EIF5B: variants seen among roughly 807,000 people sequenced by gnomAD.
EIF5B encodes eukaryotic translation initiation factor 5B, also known as eIF-5B.
Under a neutral mutation model 147.5 loss-of-function variants are expected in EIF5B, and 47 were observed. That is an observed-to-expected ratio of 0.32 (90% CI 0.25 to 0.41). The LOEUF (loss-of-function observed/expected upper bound fraction) is 0.41. Ranked by LOEUF, EIF5B falls within the 10% of genes least tolerant of loss-of-function variation. The pLI is 1.00. For synonymous variants in EIF5B, 455 were observed against 456.2 expected, an observed-to-expected ratio of 1.00 and a Z score of 0.03; for missense variants, 1,064 against 1,413.2, an observed-to-expected ratio of 0.75 and a Z score of 3.96.
At chr2:99,379,643 C>T (rs1674648868) in intron 12 of EIF5B, among the ~76,000 whole-genome samples, 1 of 152,108 alleles carries the variant, frequency 6.6e-6, no homozygotes, top group African/African-American at 2.4e-5. Context: ...ATTTCCTTCC[C>T]TCCCTCTCCC....
chr2:99,362,305 T>A (rs964206368), intron 4 of EIF5B, among the ~76,000 whole-genome samples: 1 of 152,238 alleles, frequency 6.6e-6, no homozygotes, highest in African/African-American at 2.4e-5. Flanking sequence ...GCCATTTTTT[T>A]AACAACCAAT....
intron 10 of EIF5B, 54 bp downstream of exon 10, chr2:99,376,690 A>G (rs1674572161): frequency 2.0e-6 from 3 of 1,527,688 alleles, no homozygotes; most frequent in South Asian, 1.4e-5. Context: ...TGTGATGATT[A>G]AAACAGTACT....
At chr2:99,348,394 G>A (rs1559243947) in intron 1 of EIF5B, among the ~76,000 whole-genome samples, 1 of 152,290 alleles carries the variant, frequency 6.6e-6, no homozygotes, top group Middle Eastern at 3.4e-3. Context: ...GGTTATAAGT[G>A]GTGGGGGCCA....
intron 1 of EIF5B, among the ~76,000 whole-genome samples, chr2:99,350,023 A>G (rs1673894189): frequency 6.6e-6 from 1 of 152,232 alleles, no homozygotes; most frequent in South Asian, 2.1e-4. Flanking sequence ...GATTCCACAT[A>G]TGAATGAGAT....
rs1675154372 is a variant in EIF5B, at chr2:99,399,530, A to G, written c.*116A>G. 3 of 891,544 alleles carry G rather than the reference A, an allele frequency of 3.4e-6. No individual in the cohort carries two copies. In the East Asian group the frequency reaches 8.0e-5, roughly 24 times the overall value. The allele number at this position is 891,544 out of a possible 1,614,324, so 55.2% of individuals were successfully genotyped here. A position where few individuals can be genotyped will look rare whatever the true frequency, so the allele number is the denominator to read the frequency against. ...TGGACACTGATGGACTTAAGTATGGAAGGAAGAAAAATAGGTGTATAAAAT... is the reference window on the plus strand; with the variant it reads ...TGGACACTGATGGACTTAAGTATGGGAGGAAGAAAAATAGGTGTATAAAAT... On this transcript the variant is annotated 3_prime_UTR_variant, in exon 24 of 24. Transcript: ENST00000289371.
intron 8 of EIF5B, 138 bp from the exon 9 acceptor site, chr2:99,371,518 G>A: frequency 1.8e-6 from 1 of 548,770 alleles, no homozygotes. Context: ...TAGTTCTAAA[G>A]ATAATAGCTG....
At chr2:99,388,510 TTTTA>T (rs1300533303) in intron 14 of EIF5B, among the ~76,000 whole-genome samples, 5 of 152,178 alleles carry the variant, frequency 3.3e-5, no homozygotes, top group Non-Finnish European at 7.4e-5. Flanking sequence ...TGCTTTATGT[TTTTA>T]TTTCTTTAAT....
At position 99,394,534 on chromosome 2, in the gene EIF5B, T is replaced by C. The variant is rs756829052; in HGVS notation, c.3038T>C (p.Val1013Ala). ...VPYAGINIGPVHKKDVMKASV... is the reference protein window; with the variant it reads ...VPYAGINIGPAHKKDVMKASV... ...TATGCAGGAATTAACATTGGCCCAG[T>C]GCATAAAAAAGATGTTATGAAGGCT... Residue 1013 changes from valine (V) to alanine (A), a missense_variant, in exon 20 of 24, where the codon GTG (valine) becomes GCG (alanine). Physicochemically the swap from Val to Ala is moderately conservative, Grantham distance 64. Coordinates refer to ENST00000289371, the MANE Select transcript of EIF5B (RefSeq NM_015904.4). The C allele has an allele frequency of 1.7e-5, 28 of 1,614,056 alleles. No individual in the cohort carries two copies. Among genetic ancestry groups the C allele is most frequent in the Non-Finnish European group, 2.3e-5 (27 of 1,180,044 alleles).
intron 15 of EIF5B, 81 bp downstream of exon 15, chr2:99,389,930 A>G (rs1674888420): frequency 1.4e-6 from 2 of 1,477,940 alleles, no homozygotes; most frequent in Admixed American, 4.6e-5. Context: ...CAGCATTTTC[A>G]TTAATACTGG....
rs7558074 is a variant in EIF5B, at chr2:99,376,359, A to C, written c.1565A>C (p.Lys522Thr). ...TTTGCTTTCGTAGTAGAAGGAAACA[A>C]AGTTCATATAGAAGTAAAAGAAAAC... ...DEETEKVEGN[K>T]VHIEVKENPE... Residue 522 changes from lysine (K) to threonine (T), a missense_variant, in exon 10 of 24, where the codon AAA (lysine) becomes ACA (threonine). Lys to Thr is a moderately conservative substitution (Grantham distance 78). Transcript: ENST00000289371. The C allele has an allele frequency of 0.55, 770,965 of 1,393,782 alleles. 218,893 individuals carry two copies. The highest frequency in any genetic ancestry group is 0.75 in the African/African-American group (50,725 of 67,612). 86.3% of individuals were successfully genotyped at this position (1,393,782 alleles called of 1,614,324 possible). A position where few individuals can be genotyped will look rare whatever the true frequency, so the allele number is the denominator to read the frequency against.
intron 6 of EIF5B, among the ~76,000 whole-genome samples, chr2:99,367,398 G>C (rs1674349225): frequency 6.7e-6 from 1 of 150,224 alleles, no homozygotes; most frequent in African/African-American, 2.4e-5. Flanking sequence ...TAAAAAAAGA[G>C]AAACCTTTAC....
At chr2:99,362,263 T>C (rs1020914503) in intron 4 of EIF5B, among the ~76,000 whole-genome samples, 6 of 152,226 alleles carry the variant, frequency 3.9e-5, no homozygotes, top group Non-Finnish European at 5.9e-5. Context: ...AAACTCAACA[T>C]GCTAAAATTA....
intron 1 of EIF5B, among the ~76,000 whole-genome samples, chr2:99,351,373 T>C (rs147112284): frequency 1.3e-5 from 2 of 152,348 alleles, no homozygotes; most frequent in African/African-American, 4.8e-5. Context: ...GATATTTGGG[T>C]TGTTTCCAGC....
chr2:99,399,005 G>A, intron 23 of EIF5B, 96 bp downstream of exon 23: 1 of 1,403,440 alleles, frequency 7.1e-7, no homozygotes, highest in Non-Finnish European at 9.7e-7. Flanking sequence ...CAGTTTGATT[G>A]TAGAATCTGA....
chr2:99,339,630 G>A (rs527463785), intron 1 of EIF5B, among the ~76,000 whole-genome samples: 3 of 152,090 alleles, frequency 2.0e-5, no homozygotes, highest in Non-Finnish European at 2.9e-5. Context: ...TCCCACCTCA[G>A]CCTCCCTAGT....
chr2:99,367,674 T>C (rs1674358397), intron 6 of EIF5B, among the ~76,000 whole-genome samples: 1 of 152,068 alleles, frequency 6.6e-6, no homozygotes, highest in Admixed American at 6.5e-5. Context: ...AGGATGGTCC[T>C]GGACTCCTGA....
intron 6 of EIF5B, among the ~76,000 whole-genome samples, chr2:99,366,260 C>A (rs1262961345): frequency 6.6e-6 from 1 of 152,212 alleles, no homozygotes; most frequent in Admixed American, 6.5e-5. Context: ...ATTTGAGAGT[C>A]TGAGACTAGA....
chr2:99,364,313 GA>G lies in EIF5B; in HGVS notation c.1185del (p.Glu396LysfsTer6). 5 of 1,605,276 alleles carry G rather than the reference GA, an allele frequency of 3.1e-6. No individual in the cohort carries two copies. Among genetic ancestry groups the G allele is most frequent in the Non-Finnish European group, 4.2e-6 (5 of 1,177,426 alleles). On this transcript the variant is annotated frameshift_variant, in exon 6 of 24. Transcript: ENST00000289371. LOFTEE classifies it high-confidence loss of function. Reference sequence around the variant, plus strand: ...AAAAAGAGAAAGGAAAAAGCAAAAAGAAAAAGAAAGAAAAGAACGCTTGAAA... The same window carrying G: ...AAAAAGAGAAAGGAAAAAGCAAAAAGAAAAGAAAGAAAAGAACGCTTGAAA... ...QEKRERKKQK[E>X]KERKERLKKE...
At position 99,376,499 on chromosome 2, in the gene EIF5B, G is replaced by A. The variant is rs765218263; in HGVS notation, c.1705G>A (p.Val569Met). The change falls in exon 10 of 24, where the codon GTG (valine) becomes ATG (methionine). Residue 569 changes from valine to methionine, a missense_variant. Coordinates refer to ENST00000289371, the MANE Select transcript of EIF5B (RefSeq NM_015904.4). ...GSEGDEEDEK[V>M]SDEKDSGKTL... ...TGAAGGTGATGAGGAAGATGAAAAG[G>A]TGTCAGATGAGAAGGATTCAGGGAA... The A allele has an allele frequency of 2.5e-6, 4 of 1,613,916 alleles. No individual in the cohort carries two copies. The South Asian group carries it at 4.4e-5, about 18-fold the overall frequency.
Sources: allele counts gnomAD v4.1 joint callset (sites outside exome capture counted in the v4.1 genomes callset), GRCh38; gene constraint gnomAD v4.1.1; transcripts MANE v1.5; gene names NCBI Gene and HGNC (gene_info 2026-07-23, HGNC 2026-07-21).